The following PRELID2 variants were observed in gnomAD, a reference collection of about 807,000 sequenced individuals.
PRELID2 encodes PRELI domain containing 2.
Under a neutral mutation model 28.4 loss-of-function variants are expected in PRELID2, and 25 were observed. That is an observed-to-expected ratio of 0.88 (90% CI 0.64 to 1.23). The LOEUF (loss-of-function observed/expected upper bound fraction) is 1.23. PRELID2 is among the 50% of genes most tolerant of loss of function. The probability of loss-of-function intolerance (pLI) is 0.00; values close to 1 mark genes in which losing one functional copy is unlikely to be tolerated. For missense variants in PRELID2, 201 were observed against 214.4 expected (o/e 0.94, Z 0.39); for synonymous variants, 76 against 71.6 (o/e 1.06, Z -0.31).
the PRELID2 span, among the ~76,000 whole-genome samples, chr5:145,339,007 C>G: frequency 6.6e-6 from 1 of 152,078 alleles, no homozygotes; most frequent in Admixed American, 6.6e-5. Context: ...ATTAAAATAG[C>G]CCAATTTTTA....
At chr5:145,545,596 C>T (rs912765902) in intron 1 of PRELID2, among the ~76,000 whole-genome samples, 4 of 152,044 alleles carry the variant, frequency 2.6e-5, no homozygotes, top group African/African-American at 9.7e-5. Flanking sequence ...TTTAACAAAC[C>T]TCGATCTAGC....
At chr5:145,796,329 A>T (rs1178772680) in intron 5 of PRELID2, 113 bp downstream of exon 5, 2 of 549,272 alleles carry the variant, frequency 3.6e-6, no homozygotes, top group Admixed American at 6.1e-5. Context: ...ATATTTGTTT[A>T]TTAACTATAT....
chr5:145,810,743 T>G (rs554750328), intron 4 of PRELID2, among the ~76,000 whole-genome samples: 6 of 152,316 alleles, frequency 3.9e-5, no homozygotes, highest in African/African-American at 1.4e-4. Context: ...GGCACTATTT[T>G]AAGCTTTCTC....
chr5:145,716,202 A>G (rs1176693676), intron 1 of PRELID2, among the ~76,000 whole-genome samples: 1 of 152,180 alleles, frequency 6.6e-6, no homozygotes, highest in African/African-American at 2.4e-5. Context: ...TAAAATCCAA[A>G]ACCTATCCTG....
chr5:145,610,509 A>G (rs575780361), intron 1 of PRELID2, among the ~76,000 whole-genome samples: 1 of 152,300 alleles, frequency 6.6e-6, no homozygotes, highest in East Asian at 1.9e-4. Flanking sequence ...GAACACAAGG[A>G]CACAGGACCC....
intron 1 of PRELID2, among the ~76,000 whole-genome samples, chr5:145,662,945 T>G (rs546611244): frequency 2.0e-5 from 3 of 152,284 alleles, no homozygotes; most frequent in South Asian, 4.1e-4. Flanking sequence ...GTACAGATTC[T>G]ACACCTGTAA....
chr5:145,684,980 G>A (rs1206626131), intron 1 of PRELID2, among the ~76,000 whole-genome samples: 2 of 152,102 alleles, frequency 1.3e-5, no homozygotes, highest in African/African-American at 4.8e-5. Flanking sequence ...TTGGGCTGTT[G>A]GTCTCTGATT....
At chr5:145,588,997 G>C (rs1753191003) in intron 1 of PRELID2, among the ~76,000 whole-genome samples, 1 of 152,046 alleles carries the variant, frequency 6.6e-6, no homozygotes, top group Non-Finnish European at 1.5e-5. Flanking sequence ...CTTACCTCTA[G>C]TTTATTACCA....
chr5:145,728,396 G>C, intron 1 of PRELID2: 1 of 495,660 alleles, frequency 2.0e-6, no homozygotes, highest in Non-Finnish European at 3.7e-6. Context: ...CCTGGGTAGA[G>C]CTCAGAAATC....
At chr5:145,677,012 A>T (rs1754830612) in intron 1 of PRELID2, among the ~76,000 whole-genome samples, 1 of 152,138 alleles carries the variant, frequency 6.6e-6, no homozygotes, top group African/African-American at 2.4e-5. Context: ...TTGAAAACAA[A>T]TTGTGAGAAA....
chr5:145,370,513 T>C, the PRELID2 span, among the ~76,000 whole-genome samples: 1 of 152,150 alleles, frequency 6.6e-6, no homozygotes, highest in Non-Finnish European at 1.5e-5. Context: ...CATGCCGTTT[T>C]GGTTACTGTA....
intron 1 of PRELID2, among the ~76,000 whole-genome samples, chr5:145,705,127 G>A (rs1223031489): frequency 6.6e-6 from 1 of 151,784 alleles, no homozygotes; most frequent in Non-Finnish European, 1.5e-5. Context: ...ATAAAATAAC[G>A]ATGCTTTACA....
the PRELID2 span, among the ~76,000 whole-genome samples, chr5:145,233,589 T>C: frequency 6.6e-6 from 1 of 152,142 alleles, no homozygotes; most frequent in Non-Finnish European, 1.5e-5. Context: ...GACCTACAGC[T>C]GAGAAGATAG....
At chr5:145,764,883 G>T in intron 6 of PRELID2, 48 bp downstream of exon 6, 1 of 1,411,658 alleles carries the variant, frequency 7.1e-7, no homozygotes, top group Non-Finnish European at 1.0e-6. Flanking sequence ...TGATAAGCAT[G>T]AAAATATGGC....
chr5:145,230,171 G>C, the PRELID2 span: 2 of 406,322 alleles, frequency 4.9e-6, no homozygotes, highest in Admixed American at 3.4e-5. Flanking sequence ...CAACCTAGTG[G>C]GGCTGCCAGG....
At chr5:145,477,966 A>G (rs1561490680) in intron 1 of PRELID2, among the ~76,000 whole-genome samples, 1 of 152,122 alleles carries the variant, frequency 6.6e-6, no homozygotes, top group African/African-American at 2.4e-5. Context: ...ATTTCTTACC[A>G]CTCCTACATT....
At chr5:145,352,528 T>C in the PRELID2 span, among the ~76,000 whole-genome samples, 1 of 152,210 alleles carries the variant, frequency 6.6e-6, no homozygotes. Context: ...TTCTCTCTCC[T>C]AGGCCTTTAG....
the PRELID2 span, among the ~76,000 whole-genome samples, chr5:145,434,602 G>C: frequency 1.1e-4 from 17 of 152,030 alleles, no homozygotes; most frequent in African/African-American, 3.9e-4. Flanking sequence ...AGAGGAGATG[G>C]GCCCAAGGCC....
chr5:145,307,191 A>T, the PRELID2 span, among the ~76,000 whole-genome samples: 2 of 152,156 alleles, frequency 1.3e-5, no homozygotes, highest in Non-Finnish European at 2.9e-5. Flanking sequence ...GGAGGAAGCA[A>T]TGTGAACAGC....
Sources: gnomAD v4.1 joint callset for allele counts (sites outside exome capture counted in the v4.1 genomes callset) on GRCh38, gnomAD v4.1.1 for gene constraint, MANE v1.5 for transcripts, NCBI Gene and HGNC (gene_info 2026-07-23, HGNC 2026-07-21) for gene names.